ZNF385B: variants seen among roughly 807,000 people sequenced by gnomAD.
ZNF385B encodes zinc finger protein 533.
ZNF385B carries 23 observed loss-of-function variants against 39.2 expected under a neutral mutation model. The observed-to-expected ratio is 0.59, with a 90% CI of 0.42 to 0.83. The LOEUF (loss-of-function observed/expected upper bound fraction) is 0.83, where lower values mean the gene tolerates loss of function less well. ZNF385B is among the 40% of genes least tolerant of loss of function. The probability of loss-of-function intolerance (pLI) is 0.00; values close to 1 mark genes in which losing one functional copy is unlikely to be tolerated. For missense variants in ZNF385B, 552 were observed against 598.9 expected (o/e 0.92, Z 0.82); for synonymous variants, 205 against 222.6 (o/e 0.92, Z 0.70).
intron 5 of ZNF385B, among the ~76,000 whole-genome samples, chr2:179,508,375 A>G (rs569681278): frequency 7.2e-4 from 109 of 152,320 alleles, no homozygotes; most frequent in Admixed American, 1.4e-3. Context: ...TTCTGCAACA[A>G]ACCTTCACTA....
intron 3 of ZNF385B, among the ~76,000 whole-genome samples, chr2:179,634,185 C>G (rs548707630): frequency 6.6e-6 from 1 of 151,286 alleles, no homozygotes; most frequent in African/African-American, 2.4e-5. Context: ...AAAGCAATGG[C>G]AACAAAAGCC....
At chr2:179,764,337 T>C (rs1575447634) in intron 3 of ZNF385B, among the ~76,000 whole-genome samples, 1 of 152,268 alleles carries the variant, frequency 6.6e-6, no homozygotes, top group East Asian at 1.9e-4. Flanking sequence ...TCAACATACC[T>C]CTTATTGATT....
chr2:179,851,587 T>C (rs376576914), intron 1 of ZNF385B, among the ~76,000 whole-genome samples: 2 of 152,346 alleles, frequency 1.3e-5, no homozygotes, highest in South Asian at 4.1e-4. Flanking sequence ...AATCACTCTC[T>C]GAGGTTTTAT....
intron 1 of ZNF385B, among the ~76,000 whole-genome samples, chr2:179,795,627 A>T (rs186483260): frequency 3.9e-3 from 528 of 135,702 alleles, no homozygotes; most frequent in South Asian, 8.2e-3. Flanking sequence ...TCATTCTCTT[A>T]CATTTTTTTT....
At position 179,849,062 on chromosome 2, in the gene ZNF385B, T is replaced by G. The variant is rs552264235; in HGVS notation, c.-155+12039A>C. Among the ~76,000 whole-genome samples the G allele has an allele frequency of 5.3e-5, 8 of 152,310 alleles. 1 individual carries two copies. The South Asian group carries it at 1.7e-3, about 32-fold the overall frequency. On this transcript the variant is annotated intron_variant, in intron 1 of 9. Transcript: ENST00000410066. ...AATACAGGAATCTTCAGTTTAAATA[T>G]GTTTATAATTTGCCTAAGGCCGTAC...
chr2:179,738,800 A>G (rs1701919156), intron 3 of ZNF385B, among the ~76,000 whole-genome samples: 1 of 152,192 alleles, frequency 6.6e-6, no homozygotes. Flanking sequence ...CTACAGATTT[A>G]ATGGCTAAGT....
intron 3 of ZNF385B, among the ~76,000 whole-genome samples, chr2:179,590,771 T>A (rs1272834578): frequency 6.6e-6 from 1 of 152,074 alleles, no homozygotes; most frequent in Non-Finnish European, 1.5e-5. Flanking sequence ...AGTGGCAGTT[T>A]CCTTTGCGCT....
intron 3 of ZNF385B, among the ~76,000 whole-genome samples, chr2:179,674,366 T>C (rs572738086): frequency 6.6e-6 from 1 of 152,334 alleles, no homozygotes; most frequent in South Asian, 2.1e-4. Context: ...TACATTGGCT[T>C]TATGACCTTT....
chr2:179,546,819 G>A (rs1336277516), intron 3 of ZNF385B, among the ~76,000 whole-genome samples: 1 of 147,776 alleles, frequency 6.8e-6, no homozygotes, highest in Non-Finnish European at 1.5e-5. Flanking sequence ...TTTCCTTAGT[G>A]GCTGTGTTAA....
chr2:179,599,619 A>G (rs571993936), intron 3 of ZNF385B, among the ~76,000 whole-genome samples: 245 of 152,332 alleles, frequency 1.6e-3, no homozygotes, highest in African/African-American at 5.6e-3. Flanking sequence ...ATGTCGATAC[A>G]GTGTTTTTCC....
intron 1 of ZNF385B, among the ~76,000 whole-genome samples, chr2:179,804,786 C>A (rs1706248075): frequency 6.6e-6 from 1 of 152,194 alleles, no homozygotes; most frequent in Non-Finnish European, 1.5e-5. Context: ...GACTCCACAG[C>A]ACAAAACTCC....
At chr2:179,673,986 T>C (rs147763013) in intron 3 of ZNF385B, among the ~76,000 whole-genome samples, 1 of 152,312 alleles carries the variant, frequency 6.6e-6, no homozygotes, top group Non-Finnish European at 1.5e-5. Flanking sequence ...TTAAATTAGA[T>C]GTATTGATCT....
rs142349553 is a variant in ZNF385B, at chr2:179,772,709, A to G, written c.-154-2037T>C. ...TAACAGTGAGTTTAAATGGAAGAAG[A>G]GAGAAAAATCTCACTTTCTATTTTA... is the stretch of plus-strand genomic sequence containing the variant. On this transcript the variant is annotated intron_variant, in intron 1 of 9. Transcript: ENST00000410066. Among the ~76,000 whole-genome samples the G allele has an allele frequency of 3.7e-3, 563 of 152,334 alleles. 7 individuals carry two copies. Among genetic ancestry groups the G allele is most frequent in the African/African-American group, 0.013 (524 of 41,576 alleles).
At chr2:179,595,816 C>T (rs79739831) in intron 3 of ZNF385B, among the ~76,000 whole-genome samples, 27,728 of 150,554 alleles carry the variant, frequency 0.18, 2,645 homozygotes, top group Non-Finnish European at 0.21. Flanking sequence ...GCTCCGCACT[C>T]CAGCCTGAGC....
chr2:179,803,423 GAT>G (rs1706156681), intron 1 of ZNF385B, among the ~76,000 whole-genome samples: 1 of 152,110 alleles, frequency 6.6e-6, no homozygotes, highest in East Asian at 1.9e-4. Context: ...ATATATGCCT[GAT>G]TTTGAATAAA....
In ZNF385B at chr2:179,656,623, T is replaced by C. The variant is rs140665344; in HGVS notation, c.299-111654A>G. On this transcript the variant is annotated intron_variant, in intron 3 of 9. Transcript: ENST00000410066. Reference sequence around the variant, plus strand: ...CAAAAATTCGTACTCTGCAGGATCATAGAGTGCTTTGATACCCTCATCTAC... The same window carrying C: ...CAAAAATTCGTACTCTGCAGGATCACAGAGTGCTTTGATACCCTCATCTAC... Among the ~76,000 whole-genome samples the C allele has an allele frequency of 5.2e-3, 786 of 152,296 alleles. 4 individuals carry two copies. Among genetic ancestry groups the C allele is most frequent in the African/African-American group, 0.017 (724 of 41,574 alleles).
chr2:179,825,985 A>G (rs983457466), intron 1 of ZNF385B, among the ~76,000 whole-genome samples: 1 of 152,106 alleles, frequency 6.6e-6, no homozygotes, highest in African/African-American at 2.4e-5. Context: ...CGGCAGCTTT[A>G]TTGACACTAA....
chr2:179,732,268 A>G (rs1401253457), intron 3 of ZNF385B, among the ~76,000 whole-genome samples: 1 of 152,246 alleles, frequency 6.6e-6, no homozygotes, highest in East Asian at 1.9e-4. Context: ...TGAGACTAAT[A>G]TCATGGCTTT....
At chr2:179,612,174 CT>C (rs1181143649) in intron 3 of ZNF385B, among the ~76,000 whole-genome samples, 1 of 152,028 alleles carries the variant, frequency 6.6e-6, no homozygotes. Flanking sequence ...ATTTTTAGTT[CT>C]CTGTCTGAAA....
Sources: gnomAD v4.1 joint callset for allele counts (sites outside exome capture counted in the v4.1 genomes callset) on GRCh38, gnomAD v4.1.1 for gene constraint, MANE v1.5 for transcripts, NCBI Gene and HGNC (gene_info 2026-07-23, HGNC 2026-07-21) for gene names.